Variants in SDK1 observed in about 807,000 individuals in gnomAD.
The protein encoded by SDK1 is sidekick cell adhesion molecule 1.
Under a neutral mutation model 245.5 loss-of-function variants are expected in SDK1, and 157 were observed. The observed-to-expected ratio is 0.64, with a 90% CI of 0.56 to 0.73. SDK1 has a LOEUF of 0.73. Among genes scored for constraint, SDK1 ranks in the 30% least tolerant of loss-of-function variants. The pLI, the probability that SDK1 is intolerant of heterozygous loss-of-function variation, is 0.00. For missense variants in SDK1, 3,583 were observed against 3,002.3 expected (o/e 1.19, Z -4.52); for synonymous variants, 1,647 against 1,278.5 (o/e 1.29, Z -6.15).
chr7:3,935,118 G>T (rs1207729409), intron 5 of SDK1, among the ~76,000 whole-genome samples: 1 of 152,160 alleles, frequency 6.6e-6, no homozygotes, highest in African/African-American at 2.4e-5. Flanking sequence ...AGGAACTGAT[G>T]GGTACTTGCA....
chr7:3,385,694 C>G (rs796823967), intron 1 of SDK1, among the ~76,000 whole-genome samples: 4 of 152,272 alleles, frequency 2.6e-5, no homozygotes, highest in Admixed American at 1.3e-4. Flanking sequence ...ATCCCTTTAC[C>G]TACTTTATTT....
In SDK1 at chr7:4,051,808, G is replaced by C. The variant is rs749353115; in HGVS notation, c.2889G>C (p.Gln963His). 5.0e-6 allele frequency: 8 copies of C among 1,613,138 alleles called. No individual in the cohort carries two copies. The highest frequency in any genetic ancestry group is 6.8e-6 in the Non-Finnish European group (8 of 1,179,568). Residue 963 changes from glutamine (Q) to histidine (H), a missense_variant, in exon 19 of 45, where the codon CAG (glutamine) becomes CAC (histidine). Transcript: ENST00000404826. ...TPGDGPPSTP[Q>H]LVWTQEDKPG... is the part of the protein sequence containing the mutation. ...GGGACGGGCCTCCCAGCACACCTCA[G>C]CTGGTCTGGACTCAGGAAGACAGTG...
At chr7:3,682,306 C>T (rs1337270125) in intron 4 of SDK1, among the ~76,000 whole-genome samples, 2 of 152,212 alleles carry the variant, frequency 1.3e-5, no homozygotes, top group Non-Finnish European at 2.9e-5. Flanking sequence ...TCTTTCGATT[C>T]TGTCCAGTGC....
intron 22 of SDK1, among the ~76,000 whole-genome samples, chr7:4,084,873 C>T (rs955824167): frequency 6.6e-6 from 1 of 152,010 alleles, no homozygotes; most frequent in African/African-American, 2.4e-5. Flanking sequence ...AGTGATTCTC[C>T]TGCCTCAGCC....
chr7:4,251,572 G>C lies in SDK1; in HGVS notation c.6381+5767G>C, dbSNP rs76657264. 4.1e-3 allele frequency among the ~76,000 whole-genome samples: 622 copies of C among 152,318 alleles called. 2 individuals are homozygous for C. Among genetic ancestry groups the C allele is most frequent in the African/African-American group, 0.014 (593 of 41,566 alleles). On this transcript the variant is annotated intron_variant, in intron 44 of 44. Coordinates refer to ENST00000404826, the MANE Select transcript of SDK1 (RefSeq NM_152744.4). ...TGCCCAGGGTTTTTATCGGAAGCTG[G>C]TCACATAGGCATCCTCTGCCAAGCA...
At chr7:3,416,069 G>C (rs1480948723) in intron 1 of SDK1, among the ~76,000 whole-genome samples, 1 of 152,134 alleles carries the variant, frequency 6.6e-6, no homozygotes, top group African/African-American at 2.4e-5. Context: ...AGAGGTCTTT[G>C]CTGCAAAAGT....
chr7:4,093,755 C>T (rs935232634), intron 22 of SDK1, among the ~76,000 whole-genome samples: 1 of 152,208 alleles, frequency 6.6e-6, no homozygotes, highest in African/African-American at 2.4e-5. Context: ...CTCTCCTAAG[C>T]ACACGCTGTG....
intron 31 of SDK1, among the ~76,000 whole-genome samples, chr7:4,160,167 A>G (rs1013513673): frequency 3.9e-5 from 6 of 152,244 alleles, no homozygotes; most frequent in Admixed American, 1.3e-4. Context: ...CTAAATTACA[A>G]AACAAAAACT....
At chr7:3,541,336 C>A (rs1249375901) in intron 1 of SDK1, among the ~76,000 whole-genome samples, 2 of 152,208 alleles carry the variant, frequency 1.3e-5, no homozygotes, top group Non-Finnish European at 2.9e-5. Flanking sequence ...TGCTCAGAGC[C>A]ATGCAGGCAA....
rs988135022 is a variant in SDK1, at chr7:4,267,209, C to G, written c.*1825C>G. On this transcript the variant is annotated 3_prime_UTR_variant, in exon 45 of 45. Coordinates refer to ENST00000404826, the MANE Select transcript of SDK1 (RefSeq NM_152744.4). The stretch of plus-strand genomic sequence containing the variant: ...CTTCCCCTCCTTCCTTTCCTTTACC[C>G]CTCCTTTCCTTCCTTCCTCCCTTCC... 4 of 921,700 alleles carry G rather than the reference C, an allele frequency of 4.3e-6. No individual in the cohort carries two copies. In the African/African-American group the frequency reaches 7.2e-5, roughly 17 times the overall value. 57.1% of individuals were successfully genotyped at this position (921,700 alleles called of 1,614,324 possible).
intron 14 of SDK1, among the ~76,000 whole-genome samples, chr7:3,989,621 A>T (rs1784142375): frequency 6.6e-6 from 1 of 151,694 alleles, no homozygotes; most frequent in East Asian, 1.9e-4. Flanking sequence ...GGAGTGGTGC[A>T]CTCTCGGGTA....
At position 3,767,024 on chromosome 7, in the gene SDK1, C is replaced by G. The variant is rs114282154; in HGVS notation, c.714-54426C>G. Among the ~76,000 whole-genome samples the G allele has an allele frequency of 2.0e-3, 298 of 152,232 alleles. 1 individual carries two copies. Among genetic ancestry groups the G allele is most frequent in the African/African-American group, 6.9e-3 (285 of 41,530 alleles). On this transcript the variant is annotated intron_variant, in intron 4 of 44. Coordinates refer to ENST00000404826, the MANE Select transcript of SDK1 (RefSeq NM_152744.4). ...GAGCATATTAGTAATCTTAGTAGGA[C>G]AAGCCAGAGGAATGAAGAGCTAGGA... is the stretch of plus-strand genomic sequence containing the variant.
intron 4 of SDK1, among the ~76,000 whole-genome samples, chr7:3,685,499 C>T (rs919243627): frequency 4.1e-4 from 63 of 152,120 alleles, no homozygotes; most frequent in African/African-American, 1.4e-3. Context: ...AATAAAAACC[C>T]GGACTTTAGA....
chr7:3,486,609 T>C (rs190259252), intron 1 of SDK1, among the ~76,000 whole-genome samples: 4 of 152,270 alleles, frequency 2.6e-5, no homozygotes, highest in East Asian at 3.9e-4. Flanking sequence ...ATTTGTTATG[T>C]ATGTATGATG....
intron 1 of SDK1, among the ~76,000 whole-genome samples, chr7:3,411,829 G>C (rs1049790225): frequency 6.6e-6 from 1 of 152,074 alleles, no homozygotes; most frequent in Admixed American, 6.6e-5. Flanking sequence ...GTCTGTGAGG[G>C]CTTGATGGGG....
At chr7:3,447,356 C>T (rs1196055840) in intron 1 of SDK1, among the ~76,000 whole-genome samples, 1 of 152,086 alleles carries the variant, frequency 6.6e-6, no homozygotes, top group Middle Eastern at 3.2e-3. Flanking sequence ...TATTAATCTC[C>T]AACTGATGTT....
At chr7:3,970,096 A>C (rs905027718) in intron 11 of SDK1, among the ~76,000 whole-genome samples, 4 of 152,210 alleles carry the variant, frequency 2.6e-5, no homozygotes, top group Non-Finnish European at 2.9e-5. Flanking sequence ...TTGCCAATAC[A>C]CTTTCTCCTC....
intron 17 of SDK1, among the ~76,000 whole-genome samples, chr7:4,034,585 CAA>C (rs1408082242): frequency 6.6e-6 from 1 of 152,016 alleles, no homozygotes; most frequent in Non-Finnish European, 1.5e-5. Context: ...ATTTAAAACA[CAA>C]ACTGATGCAG....
chr7:3,581,528 G>A (rs1004229228), intron 1 of SDK1, among the ~76,000 whole-genome samples: 2 of 152,152 alleles, frequency 1.3e-5, no homozygotes, highest in Admixed American at 6.5e-5. Flanking sequence ...GGAAAGGGGA[G>A]CACTTACACA....
Sources: gnomAD v4.1 joint callset for allele counts (sites outside exome capture counted in the v4.1 genomes callset) on GRCh38, gnomAD v4.1.1 for gene constraint, MANE v1.5 for transcripts, NCBI Gene and HGNC (gene_info 2026-07-23, HGNC 2026-07-21) for gene names.